Variants in SLIT2 observed in about 807,000 individuals in gnomAD.
The protein encoded by SLIT2 is slit homolog 2 protein.
SLIT2 carries 41 observed loss-of-function variants against 185.7 expected under a neutral mutation model. That is an observed-to-expected ratio of 0.22 (90% CI 0.17 to 0.29). The LOEUF (loss-of-function observed/expected upper bound fraction) is 0.29. Ranked by LOEUF, SLIT2 falls within the 10% of genes least tolerant of loss-of-function variation. SLIT2 has a pLI of 1.00. For missense variants in SLIT2, 1,571 were observed against 1,909.0 expected, an observed-to-expected ratio of 0.82 and a Z score of 3.30; for synonymous variants, 693 against 680.2, an observed-to-expected ratio of 1.02 and a Z score of -0.29.
intron 4 of SLIT2, among the ~76,000 whole-genome samples, chr4:20,413,835 G>C (rs568236536): frequency 1.3e-5 from 2 of 151,766 alleles, no homozygotes; most frequent in Non-Finnish European, 2.9e-5. Flanking sequence ...TGGCATCTAG[G>C]TATATCATGT....
At position 20,253,543 on chromosome 4, in the gene SLIT2, C is replaced by G; in HGVS notation, c.-273C>G. 1 of 514,824 alleles carries G rather than the reference C, an allele frequency of 1.9e-6. No homozygotes were observed. The highest frequency in any genetic ancestry group is 2.7e-5 in the South Asian group (1 of 37,408). 31.9% of individuals were successfully genotyped at this position (514,824 alleles called of 1,614,324 possible). Reference sequence around the variant, plus strand: ...ATCTCCTCTCCGCTGCTCTTGGGGTCTCCTTGCAGCCCTGGCCAGGCGGAT... The same window carrying G: ...ATCTCCTCTCCGCTGCTCTTGGGGTGTCCTTGCAGCCCTGGCCAGGCGGAT... On this transcript the variant is annotated 5_prime_UTR_variant, in exon 1 of 37. Coordinates refer to ENST00000504154, the MANE Select transcript of SLIT2 (RefSeq NM_004787.4).
At position 20,618,881 on chromosome 4, in the gene SLIT2, G is replaced by T; in HGVS notation, c.4462G>T (p.Gly1488Ter). 6.2e-7 allele frequency: 1 copy of T among 1,614,164 alleles called. No homozygotes were observed. The highest frequency in any genetic ancestry group is 8.5e-7 in the Non-Finnish European group (1 of 1,180,010). Residue 1488 changes from glycine (G) to a stop codon, truncating the protein, a stop_gained, in exon 37 of 37, where the codon GGA becomes TGA. Coordinates refer to ENST00000504154, the MANE Select transcript of SLIT2 (RefSeq NM_004787.4). LOFTEE classifies it high-confidence loss of function. Reference sequence around the variant, plus strand: ...ATTAGAGTGCAGAGGTGGGTGTGCAGGAGGGCAGTGCTGTGGACCGCTGAG... The same window carrying T: ...ATTAGAGTGCAGAGGTGGGTGTGCATGAGGGCAGTGCTGTGGACCGCTGAG... Reference protein sequence around the residue: ...SRLECRGGCAGGQCCGPLRSK... With the variant: ...SRLECRGGCA
chr4:20,404,731 A>G (rs967364395), intron 4 of SLIT2, among the ~76,000 whole-genome samples: 8 of 152,048 alleles, frequency 5.3e-5, no homozygotes, highest in African/African-American at 9.7e-5. Flanking sequence ...ACATTTCTGT[A>G]TAGTTATAAA....
intron 4 of SLIT2, among the ~76,000 whole-genome samples, chr4:20,279,948 G>T (rs566285541): frequency 1.4e-3 from 214 of 152,252 alleles, no homozygotes; most frequent in Non-Finnish European, 2.6e-3. Context: ...TGATGAAATA[G>T]TTGGAAATTA....
At chr4:20,407,255 A>G (rs1394594196) in intron 4 of SLIT2, among the ~76,000 whole-genome samples, 1 of 152,188 alleles carries the variant, frequency 6.6e-6, no homozygotes, top group Admixed American at 6.5e-5. Context: ...CTGTATATGT[A>G]TGATTTGTGC....
chr4:20,519,522 T>G, intron 12 of SLIT2, 69 bp downstream of exon 12: 1 of 922,810 alleles, frequency 1.1e-6, no homozygotes, highest in Non-Finnish European at 1.7e-6. Flanking sequence ...TGTCTCATAT[T>G]TTTATGGAGG....
In SLIT2 at chr4:20,339,716, G is replaced by A. The variant is rs537860526; in HGVS notation, c.395+70835G>A. On this transcript the variant is annotated intron_variant, in intron 4 of 36. Coordinates refer to ENST00000504154, the MANE Select transcript of SLIT2 (RefSeq NM_004787.4). ...ATCTAAGTTTCTAATCTAAAGACAG[G>A]CCATGTTGTGATCATGAAATGGCCT... Among the ~76,000 whole-genome samples the A allele has an allele frequency of 3.9e-5, 6 of 152,128 alleles. No individual in the cohort carries two copies. In the East Asian group the frequency reaches 1.2e-3, roughly 30 times the overall value.
intron 4 of SLIT2, among the ~76,000 whole-genome samples, chr4:20,331,040 A>T (rs1720022884): frequency 6.6e-6 from 1 of 152,112 alleles, no homozygotes; most frequent in African/African-American, 2.4e-5. Context: ...TATCTAACAA[A>T]ACTCAGCTTT....
intron 4 of SLIT2, among the ~76,000 whole-genome samples, chr4:20,314,511 G>T (rs1718402282): frequency 6.6e-6 from 1 of 152,064 alleles, no homozygotes; most frequent in Non-Finnish European, 1.5e-5. Context: ...CTCTGTCCTT[G>T]TCGAGCTTAG....
At chr4:20,365,772 C>G (rs1723070220) in intron 4 of SLIT2, among the ~76,000 whole-genome samples, 1 of 152,104 alleles carries the variant, frequency 6.6e-6, no homozygotes, top group African/African-American at 2.4e-5. Flanking sequence ...TTTCTCTTAT[C>G]CTTTATGTGT....
chr4:20,548,314 A>C (rs1410561055), intron 22 of SLIT2, among the ~76,000 whole-genome samples, 174 bp from the exon 23 acceptor site: 1 of 152,158 alleles, frequency 6.6e-6, no homozygotes, highest in African/African-American at 2.4e-5. Flanking sequence ...GTAAATAATC[A>C]TGAATAACAT....
intron 4 of SLIT2, among the ~76,000 whole-genome samples, chr4:20,339,834 A>G (rs974348373): frequency 6.6e-6 from 1 of 152,180 alleles, no homozygotes; most frequent in African/African-American, 2.4e-5. Context: ...AAAAGAAAAA[A>G]ATCTAATTGA....
intron 12 of SLIT2, among the ~76,000 whole-genome samples, chr4:20,523,493 T>C (rs546077613): frequency 6.6e-6 from 1 of 152,336 alleles, no homozygotes; most frequent in South Asian, 2.1e-4. Flanking sequence ...ATCCCACCTT[T>C]GTATCTTCCA....
At chr4:20,434,097 A>G (rs1336912114) in intron 4 of SLIT2, among the ~76,000 whole-genome samples, 1 of 152,150 alleles carries the variant, frequency 6.6e-6, no homozygotes, top group Non-Finnish European at 1.5e-5. Context: ...TCTCCAGGGA[A>G]TGGCCGTCAT....
chr4:20,375,728 T>G (rs1439312403), intron 4 of SLIT2, among the ~76,000 whole-genome samples: 1 of 152,038 alleles, frequency 6.6e-6, no homozygotes, highest in Admixed American at 6.6e-5. Flanking sequence ...CAATAACATC[T>G]GCGTATGAAC....
chr4:20,379,911 G>A (rs1724353853), intron 4 of SLIT2, among the ~76,000 whole-genome samples: 1 of 152,084 alleles, frequency 6.6e-6, no homozygotes, highest in African/African-American at 2.4e-5. Context: ...CAGGGAGGAC[G>A]AGGCAGCTGG....
intron 4 of SLIT2, among the ~76,000 whole-genome samples, chr4:20,313,294 T>TGGAGCAGGCACATCACGTGGTA (rs1443869948): frequency 6.6e-6 from 1 of 152,164 alleles, no homozygotes; most frequent in Non-Finnish European, 1.5e-5. Flanking sequence ...AAGGCAAAGC[T>TGGAGCAGGCACATCACGTGGTA]GGAGCAGGCA....
chr4:20,617,554 G>A lies in SLIT2; in HGVS notation c.4252G>A (p.Ala1418Thr). ...GGAGGATCTGTTTAACCCATGCCAGGCGATCAAGTGCAAGCATGGGAAGTG... is the reference window on the plus strand; with the variant it reads ...GGAGGATCTGTTTAACCCATGCCAGACGATCAAGTGCAAGCATGGGAAGTG... ...EEEDLFNPCQ[A>T]IKCKHGKCRL... Residue 1418 changes from alanine (A) to threonine (T), a missense_variant, in exon 36 of 37, where the codon GCG (alanine) becomes ACG (threonine). By Grantham distance (58) the Ala-to-Thr change is moderately conservative (BLOSUM62 0). Transcript: ENST00000504154. 1 of 1,613,946 alleles carries A rather than the reference G, an allele frequency of 6.2e-7. No homozygotes were observed. The highest frequency in any genetic ancestry group is 8.5e-7 in the Non-Finnish European group (1 of 1,179,962).
intron 18 of SLIT2, among the ~76,000 whole-genome samples, chr4:20,537,377 CT>C (rs1722391953): frequency 7.3e-6 from 1 of 136,704 alleles, no homozygotes; most frequent in Middle Eastern, 3.9e-3. Flanking sequence ...TATAGCTCTG[CT>C]TGACCAAAAT....
Sources: allele counts gnomAD v4.1 joint callset (sites outside exome capture counted in the v4.1 genomes callset), GRCh38; gene constraint gnomAD v4.1.1; transcripts MANE v1.5; gene names NCBI Gene and HGNC (gene_info 2026-07-23, HGNC 2026-07-21).